The following GNPTAB variants were observed in gnomAD, a reference collection of about 807,000 sequenced individuals.
The protein encoded by GNPTAB is N-acetylglucosamine-1-phosphate transferase subunits alpha and beta.
Under a neutral mutation model 136.6 loss-of-function variants are expected in GNPTAB, and 92 were observed. The observed-to-expected ratio is 0.67, with a 90% CI of 0.57 to 0.80. The LOEUF (loss-of-function observed/expected upper bound fraction) is 0.80. GNPTAB is among the 30% of genes least tolerant of loss of function. GNPTAB has a pLI of 0.00. For synonymous variants in GNPTAB, 512 were observed against 535.1 expected, an observed-to-expected ratio of 0.96 and a Z score of 0.60; for missense variants, 1,343 against 1,501.8, an observed-to-expected ratio of 0.89 and a Z score of 1.75.
chr12:101,798,702 C>T (rs1159029798), intron 1 of GNPTAB, among the ~76,000 whole-genome samples: 1 of 152,178 alleles, frequency 6.6e-6, no homozygotes, highest in African/African-American at 2.4e-5. Context: ...GTACCCATCT[C>T]CTGTTACTAT....
Position 101,770,475 on chromosome 12 carries a change from A to G in GNPTAB, c.1044T>C (p.Ile348=). ...RHAPWVRNIF[I]VTNGQIPSWL... Reference sequence around the variant, plus strand: ...AGGATGGAATCTGCCCGTTGGTGACAATGAAAATATTCCGAACCCATGGTG... The same window carrying G: ...AGGATGGAATCTGCCCGTTGGTGACGATGAAAATATTCCGAACCCATGGTG... Residue 348 remains isoleucine, a synonymous_variant, in exon 9 of 21, where the codon ATT becomes ATC. Coordinates refer to ENST00000299314, the MANE Select transcript of GNPTAB (RefSeq NM_024312.5). The G allele has an allele frequency of 6.2e-7, 1 of 1,613,958 alleles. No individual in the cohort carries two copies.
intron 1 of GNPTAB, among the ~76,000 whole-genome samples, chr12:101,805,246 T>G (rs1244356497): frequency 2.6e-5 from 4 of 152,228 alleles, no homozygotes; most frequent in Admixed American, 1.3e-4. Context: ...AATATCTGTT[T>G]GTGAAACTTA....
chr12:101,772,563 C>T (rs1032076075), intron 7 of GNPTAB, among the ~76,000 whole-genome samples: 2 of 152,174 alleles, frequency 1.3e-5, no homozygotes, highest in Non-Finnish European at 2.9e-5. Context: ...ACCACTTTCA[C>T]CTCTTTTACT....
chr12:101,806,922 T>C (rs1869962496), intron 1 of GNPTAB, among the ~76,000 whole-genome samples: 1 of 152,164 alleles, frequency 6.6e-6, no homozygotes, highest in Non-Finnish European at 1.5e-5. Context: ...CATTTCCTAA[T>C]TCATTCTATG....
In GNPTAB at chr12:101,780,254, T is replaced by C; in HGVS notation, c.669A>G (p.Leu223=). 1 of 1,613,904 alleles carries C rather than the reference T, an allele frequency of 6.2e-7. No individual in the cohort carries two copies. The highest frequency in any genetic ancestry group is 1.1e-5 in the South Asian group (1 of 91,078). Residue 223 remains leucine, a synonymous_variant, in exon 7 of 21, where the codon CTA becomes CTG. Coordinates refer to ENST00000299314, the MANE Select transcript of GNPTAB (RefSeq NM_024312.5). The part of the protein sequence containing the change: ...TTDKEVPGLV[L]MQDLAFLSGF... ...CACTCAGGAAAGCCAAATCTTGCAT[T>C]AGCACTAATCCAGGGACTTCTTTAT...
At position 101,768,178 on chromosome 12, in the gene GNPTAB, A is replaced by C; in HGVS notation, c.1285-18T>G. 6.2e-7 allele frequency: 1 copy of C among 1,613,848 alleles called. No homozygotes were observed. Among genetic ancestry groups the C allele is most frequent in the Admixed American group, 1.7e-5 (1 of 60,026 alleles). On this transcript the variant is annotated intron_variant, in intron 10 of 20. Transcript: ENST00000299314. ...AAATAAACCTACGATAAAACCAAAG[A>C]GAAAATAAAATGACTTCTGGCTTCT...
At chr12:101,801,805 G>A (rs1869653888) in intron 1 of GNPTAB, among the ~76,000 whole-genome samples, 1 of 152,034 alleles carries the variant, frequency 6.6e-6, no homozygotes, top group Admixed American at 6.6e-5. Flanking sequence ...CACTTTGCAA[G>A]GCCAAGAAGG....
chr12:101,761,187 C>T lies in GNPTAB; in HGVS notation c.3075G>A (p.Leu1025=). ...CCAGTGTTCGGATTTCTCTGTCAGA[C>T]AAGACACCAGATTGATCTGTATCAA... ...DEVDTDQSGV[L]SDREIRTLAT... Residue 1025 remains leucine (L), a synonymous_variant, in exon 15 of 21, where the codon TTG becomes TTA. Coordinates refer to ENST00000299314, the MANE Select transcript of GNPTAB (RefSeq NM_024312.5). The T allele has an allele frequency of 6.2e-7, 1 of 1,614,094 alleles. No individual in the cohort carries two copies. The highest frequency in any genetic ancestry group is 1.1e-5 in the South Asian group (1 of 91,080).
rs73394438 is a variant in GNPTAB at position 101,815,608 on chromosome 12, G to A, written c.117+14951C>T. On this transcript the variant is annotated intron_variant, in intron 1 of 20. Coordinates refer to ENST00000299314, the MANE Select transcript of GNPTAB (RefSeq NM_024312.5). ...ATTGCACTCCAGCCTGGACAACATA[G>A]CAAGACCCTGTTCCAAAAAAAAAAA... Among the ~76,000 whole-genome samples, 543 of 121,370 alleles carry A rather than the reference G, an allele frequency of 4.5e-3. 4 individuals carry two copies. The highest frequency in any genetic ancestry group is 0.018 in the African/African-American group (499 of 28,404). The allele number at this position is 121,370 out of a possible 152,430, so 79.6% of individuals were successfully genotyped here. A position where few individuals can be genotyped will look rare whatever the true frequency, so the allele number is the denominator to read the frequency against.
At chr12:101,762,573 C>T (rs1206317252) in intron 13 of GNPTAB, among the ~76,000 whole-genome samples, 1 of 152,100 alleles carries the variant, frequency 6.6e-6, no homozygotes, top group African/African-American at 2.4e-5. Flanking sequence ...AAATAACTAA[C>T]CTGCAGCCAT....
intron 7 of GNPTAB, among the ~76,000 whole-genome samples, chr12:101,771,626 T>C (rs559325574): frequency 6.6e-6 from 1 of 152,212 alleles, no homozygotes; most frequent in South Asian, 2.1e-4. Context: ...CCCAAATGAA[T>C]GTTAAAAAAA....
intron 1 of GNPTAB, among the ~76,000 whole-genome samples, chr12:101,811,497 C>G (rs1282127322): frequency 1.3e-5 from 2 of 151,646 alleles, no homozygotes; most frequent in African/African-American, 4.8e-5. Flanking sequence ...AACTGACTCA[C>G]AGTTCTGCAG....
Position 101,746,951 on chromosome 12 carries a change from A to G in GNPTAB, c.*213T>C. ...GAGCAAATTCTTTAAAAGTAAAATC[A>G]GTTCAGAGCTGCTCAACACACAAGT... On this transcript the variant is annotated 3_prime_UTR_variant, in exon 21 of 21. Transcript: ENST00000299314. 1 of 516,200 alleles carries G rather than the reference A, an allele frequency of 1.9e-6. No individual in the cohort carries two copies. The allele number at this position is 516,200 out of a possible 1,614,324, so 32.0% of individuals were successfully genotyped here.
At chr12:101,826,331 G>A (rs766216632) in intron 1 of GNPTAB, among the ~76,000 whole-genome samples, 7 of 152,138 alleles carry the variant, frequency 4.6e-5, no homozygotes, top group Non-Finnish European at 1.0e-4. Context: ...CACAAAGGAA[G>A]TGATACGTTA....
chr12:101,805,106 A>G (rs1869862557), intron 1 of GNPTAB, among the ~76,000 whole-genome samples: 1 of 152,220 alleles, frequency 6.6e-6, no homozygotes, highest in Non-Finnish European at 1.5e-5. Flanking sequence ...TATGAACAAA[A>G]AATGGTTTAA....
chr12:101,747,535 C>A (rs570784342), intron 20 of GNPTAB, among the ~76,000 whole-genome samples: 8 of 148,182 alleles, frequency 5.4e-5, no homozygotes, highest in African/African-American at 1.8e-4. Flanking sequence ...GATTTTTACA[C>A]AGCTATTACC....
intron 10 of GNPTAB, 72 bp downstream of exon 10, chr12:101,769,949 G>T: frequency 7.4e-7 from 1 of 1,358,112 alleles, no homozygotes; most frequent in Non-Finnish European, 1.0e-6. Flanking sequence ...GACTACAGTA[G>T]TATGTGCACT....
chr12:101,811,031 C>T (rs764315715), intron 1 of GNPTAB, among the ~76,000 whole-genome samples: 10 of 152,222 alleles, frequency 6.6e-5, no homozygotes, highest in African/African-American at 2.2e-4. Context: ...ATCTCTCAGC[C>T]TCTACCTTTG....
intron 1 of GNPTAB, among the ~76,000 whole-genome samples, chr12:101,806,526 G>C (rs1277211545): frequency 2.0e-5 from 3 of 152,102 alleles, no homozygotes; most frequent in Admixed American, 6.5e-5. Flanking sequence ...ATGCCACTGA[G>C]TTATATAATT....
Sources: gnomAD v4.1 joint callset for allele counts (sites outside exome capture counted in the v4.1 genomes callset) on GRCh38, gnomAD v4.1.1 for gene constraint, MANE v1.5 for transcripts, NCBI Gene and HGNC (gene_info 2026-07-23, HGNC 2026-07-21) for gene names.